Variants in CNTNAP2 observed in about 807,000 individuals in gnomAD.
The protein encoded by CNTNAP2 is contactin-associated protein-like 2.
CNTNAP2 carries 98 observed loss-of-function variants against 155.2 expected under a neutral mutation model. The observed-to-expected ratio is 0.63, with a 90% CI of 0.54 to 0.75. The LOEUF (loss-of-function observed/expected upper bound fraction) is 0.75. CNTNAP2 is among the 30% of genes least tolerant of loss of function. The pLI, the probability that CNTNAP2 is intolerant of heterozygous loss-of-function variation, is 0.00. For missense variants in CNTNAP2, 1,727 were observed against 1,688.1 expected, an observed-to-expected ratio of 1.02 and a Z score of -0.40; for synonymous variants, 651 against 631.2, an observed-to-expected ratio of 1.03 and a Z score of -0.47.
intron 1 of CNTNAP2, among the ~76,000 whole-genome samples, chr7:146,388,760 C>G (rs1031542493): frequency 1.3e-5 from 2 of 152,200 alleles, no homozygotes; most frequent in Non-Finnish European, 2.9e-5. Context: ...ACCAGCCCCC[C>G]ACTACCCTTT....
chr7:146,609,325 T>G lies in CNTNAP2; in HGVS notation c.98-164946T>G, dbSNP rs191640215. ...AGTAGTATTTATTCACATTTCTAAT[T>G]TTAGGATTGTGGAATTTTTTTCCAT... On this transcript the variant is annotated intron_variant, in intron 1 of 23. Coordinates refer to ENST00000361727, the MANE Select transcript of CNTNAP2 (RefSeq NM_014141.6). Among the ~76,000 whole-genome samples the G allele has an allele frequency of 1.3e-3, 198 of 152,298 alleles. 1 individual carries two copies. Among genetic ancestry groups the G allele is most frequent in the African/African-American group, 4.3e-3 (179 of 41,570 alleles).
At chr7:146,830,149 TTAGC>T (rs1339784788) in intron 2 of CNTNAP2, among the ~76,000 whole-genome samples, 3 of 152,126 alleles carry the variant, frequency 2.0e-5, no homozygotes, top group Non-Finnish European at 4.4e-5. Context: ...ATTTTCCTGT[TTAGC>T]TAGTACATTT....
intron 9 of CNTNAP2, among the ~76,000 whole-genome samples, chr7:147,375,884 T>A (rs1175815154): frequency 6.6e-6 from 1 of 152,018 alleles, no homozygotes; most frequent in Non-Finnish European, 1.5e-5. Context: ...TATAATCAAC[T>A]AATCAAGCCC....
At chr7:146,241,608 A>AC (rs1554406289) in intron 1 of CNTNAP2, among the ~76,000 whole-genome samples, 11,263 of 151,998 alleles carry the variant, frequency 0.074, 1,032 homozygotes, top group African/African-American at 0.22. Context: ...TTAATGTGAC[A>AC]TTTTTTTTAG....
intron 1 of CNTNAP2, among the ~76,000 whole-genome samples, chr7:146,426,919 A>C (rs1584920201): frequency 6.8e-6 from 1 of 147,196 alleles, no homozygotes; most frequent in African/African-American, 2.7e-5. Context: ...AAAAAGTTTG[A>C]GTTAGCCGTT....
At chr7:147,526,825 A>G (rs529965967) in intron 11 of CNTNAP2, among the ~76,000 whole-genome samples, 8 of 152,196 alleles carry the variant, frequency 5.3e-5, no homozygotes, top group African/African-American at 1.7e-4. Flanking sequence ...AGAAAGAAGA[A>G]AGACGTTTCC....
chr7:146,660,077 G>T (rs1382910187), intron 1 of CNTNAP2, among the ~76,000 whole-genome samples: 1 of 152,190 alleles, frequency 6.6e-6, no homozygotes, highest in African/African-American at 2.4e-5. Context: ...TGGTAATTTA[G>T]GGTAATAAAG....
intron 1 of CNTNAP2, among the ~76,000 whole-genome samples, chr7:146,605,546 C>A (rs1799032718): frequency 6.6e-6 from 1 of 151,990 alleles, no homozygotes; most frequent in South Asian, 2.1e-4. Flanking sequence ...TACAGATATT[C>A]AATGTAAATT....
intron 13 of CNTNAP2, among the ~76,000 whole-genome samples, chr7:147,790,310 C>T (rs1797800771): frequency 6.6e-6 from 1 of 152,096 alleles, no homozygotes; most frequent in Non-Finnish European, 1.5e-5. Context: ...TATTTATTTT[C>T]TGTCTTTCTT....
At chr7:148,356,989 G>A (rs926803262) in intron 21 of CNTNAP2, among the ~76,000 whole-genome samples, 1 of 151,978 alleles carries the variant, frequency 6.6e-6, no homozygotes, top group African/African-American at 2.4e-5. Context: ...GTGAGGCCCT[G>A]CGTGATATAT....
intron 15 of CNTNAP2, among the ~76,000 whole-genome samples, chr7:148,071,441 T>G (rs1803380374): frequency 6.6e-6 from 1 of 152,152 alleles, no homozygotes; most frequent in South Asian, 2.1e-4. Context: ...ATTGTGCCAC[T>G]GCACTCCAGC....
At chr7:146,269,188 A>G (rs1370677434) in intron 1 of CNTNAP2, among the ~76,000 whole-genome samples, 1 of 152,012 alleles carries the variant, frequency 6.6e-6, no homozygotes, top group African/African-American at 2.4e-5. Flanking sequence ...AAAATACAAA[A>G]AATTGGCCAG....
chr7:146,697,585 G>C (rs1800803854), intron 1 of CNTNAP2, among the ~76,000 whole-genome samples: 1 of 152,008 alleles, frequency 6.6e-6, no homozygotes, highest in Admixed American at 6.6e-5. Context: ...AGTCTGCTTT[G>C]TCTGAAATTT....
At chr7:146,383,182 A>C (rs1202781247) in intron 1 of CNTNAP2, among the ~76,000 whole-genome samples, 1 of 152,180 alleles carries the variant, frequency 6.6e-6, no homozygotes, top group Admixed American at 6.5e-5. Flanking sequence ...AATATGCTGC[A>C]CAAGCATGCT....
intron 13 of CNTNAP2, among the ~76,000 whole-genome samples, chr7:147,850,609 A>G (rs1423586450): frequency 6.6e-6 from 1 of 152,246 alleles, no homozygotes; most frequent in Non-Finnish European, 1.5e-5. Context: ...GGCATCAGAA[A>G]TAACACCACA....
At chr7:147,749,020 C>T (rs183030102) in intron 13 of CNTNAP2, among the ~76,000 whole-genome samples, 2 of 152,024 alleles carry the variant, frequency 1.3e-5, no homozygotes, top group East Asian at 3.9e-4. Context: ...TCTCTGTCAA[C>T]GATTGGACAA....
intron 3 of CNTNAP2, among the ~76,000 whole-genome samples, chr7:147,002,944 CA>C (rs773401142): frequency 0.037 from 1,968 of 52,984 alleles, 28 homozygotes; most frequent in Admixed American, 0.14. Context: ...ATGTTCCTTC[CA>C]AAAAAAAAAA....
At chr7:146,786,706 C>G (rs1198851828) in intron 2 of CNTNAP2, among the ~76,000 whole-genome samples, 1 of 152,198 alleles carries the variant, frequency 6.6e-6, no homozygotes, top group African/African-American at 2.4e-5. Flanking sequence ...GATTTCTTCC[C>G]CAGGTTTTCA....
chr7:148,230,301 G>A (rs754718718), intron 20 of CNTNAP2, among the ~76,000 whole-genome samples: 5 of 152,174 alleles, frequency 3.3e-5, no homozygotes, highest in Non-Finnish European at 7.3e-5. Flanking sequence ...ACAAAGGGAT[G>A]GTTTTATTAT....
Sources: gnomAD v4.1 joint callset for allele counts (sites outside exome capture counted in the v4.1 genomes callset) on GRCh38, gnomAD v4.1.1 for gene constraint, MANE v1.5 for transcripts, NCBI Gene and HGNC (gene_info 2026-07-23, HGNC 2026-07-21) for gene names.